HADHB: variants seen among roughly 807,000 people sequenced by gnomAD.
The protein encoded by HADHB is hydroxyacyl-CoA dehydrogenase trifunctional multienzyme complex subunit beta.
In HADHB, 50 loss-of-function variants were observed where a neutral mutation model predicts 61.9. The ratio of observed to expected loss-of-function variants is 0.81; its 90% CI spans 0.64 to 1.02. HADHB has a LOEUF of 1.02. Ranked by LOEUF, HADHB falls within the 50% of genes least tolerant of loss-of-function variation. The probability of loss-of-function intolerance (pLI) is 0.00; values close to 1 mark genes in which losing one functional copy is unlikely to be tolerated. For synonymous variants in HADHB, 191 were observed against 201.6 expected, an observed-to-expected ratio of 0.95 and a Z score of 0.45; for missense variants, 504 against 586.5, an observed-to-expected ratio of 0.86 and a Z score of 1.45.
chr2:26,260,000 A>G lies in HADHB; in HGVS notation c.110-3380A>G, dbSNP rs545218857. Among the ~76,000 whole-genome samples, 7 of 152,326 alleles carry G rather than the reference A, an allele frequency of 4.6e-5. No homozygotes were observed. The East Asian group carries it at 1.2e-3, about 25-fold the overall frequency. On this transcript the variant is annotated intron_variant, in intron 3 of 15. Transcript: ENST00000317799. ...AAATACTTAAGGTGGAACCGAGTAAAACAAGCTATTTGTTAGAAGAGTTAA... is the reference window on the plus strand; with the variant it reads ...AAATACTTAAGGTGGAACCGAGTAAGACAAGCTATTTGTTAGAAGAGTTAA...
At chr2:26,277,514 C>T (rs1251270985) in intron 7 of HADHB, among the ~76,000 whole-genome samples, 6 of 152,086 alleles carry the variant, frequency 3.9e-5, no homozygotes, top group Non-Finnish European at 7.4e-5. Context: ...GGATTACAGG[C>T]GTGAGCCACC....
At chr2:26,283,795 A>G (rs766567986) in intron 12 of HADHB, among the ~76,000 whole-genome samples, 1 of 152,152 alleles carries the variant, frequency 6.6e-6, no homozygotes, top group Non-Finnish European at 1.5e-5. Flanking sequence ...TCTAGCCTCC[A>G]CTGTGACGTT....
chr2:26,269,531 A>T (rs1672250205), intron 4 of HADHB, among the ~76,000 whole-genome samples: 1 of 152,140 alleles, frequency 6.6e-6, no homozygotes, highest in Non-Finnish European at 1.5e-5. Context: ...ATCTCAAGTT[A>T]CTTAAAAGCA....
intron 3 of HADHB, among the ~76,000 whole-genome samples, chr2:26,258,379 C>A (rs1162155345): frequency 1.3e-5 from 2 of 152,178 alleles, no homozygotes; most frequent in Non-Finnish European, 2.9e-5. Context: ...CTATTAGAAG[C>A]CATGGGTCAT....
At chr2:26,273,567 CA>C in intron 5 of HADHB, 83 bp from the exon 6 acceptor site, 1 of 792,418 alleles carries the variant, frequency 1.3e-6, no homozygotes, top group Non-Finnish European at 2.3e-6. Context: ...TAACCTTTTT[CA>C]AGGAGCGCAG....
At chr2:26,280,570 A>G (rs6721670) in intron 10 of HADHB, among the ~76,000 whole-genome samples, 131,931 of 152,150 alleles carry the variant, frequency 0.87, 58,904 homozygotes, top group Middle Eastern at 0.97. Flanking sequence ...AAGGCATTTC[A>G]GGCCGGGTGC....
chr2:26,285,578 TACAGTG>T lies in HADHB; in HGVS notation c.1389+8_1389+13del. The stretch of plus-strand genomic sequence containing the variant: ...GTGTGCAGCTGGAGGGCAGGTACGT[TACAGTG>T]GTGTCATAGGACCCTCCAGAGAGTC... On this transcript the variant is annotated splice_region_variant and intron_variant, in intron 15 of 15. Transcript: ENST00000317799. 6.2e-7 allele frequency: 1 copy of T among 1,609,666 alleles called. No individual in the cohort carries two copies. The highest frequency in any genetic ancestry group is 8.5e-7 in the Non-Finnish European group (1 of 1,176,200).
At chr2:26,277,412 T>A (rs1320226289) in intron 7 of HADHB, among the ~76,000 whole-genome samples, 1 of 151,824 alleles carries the variant, frequency 6.6e-6, no homozygotes, top group Admixed American at 6.6e-5. Context: ...ATTTTTAAAT[T>A]TTTTGTGGAG....
chr2:26,286,975 G>A (rs927775643), intron 15 of HADHB, among the ~76,000 whole-genome samples: 9 of 151,724 alleles, frequency 5.9e-5, no homozygotes, highest in East Asian at 2.0e-4. Context: ...AGGTTGAGGC[G>A]GGTAGGTCAC....
chr2:26,254,157 A>G lies in HADHB; in HGVS notation c.-8-90A>G, dbSNP rs538918851. 1.2e-4 allele frequency: 92 copies of G among 748,546 alleles called. No homozygotes were observed. In the South Asian group the frequency reaches 1.3e-3, roughly 11 times the overall value. 46.4% of individuals were successfully genotyped at this position (748,546 alleles called of 1,614,324 possible). On this transcript the variant is annotated intron_variant, in intron 1 of 15. Transcript: ENST00000317799. ...TAAGTTTTAATGTTTTCTAGTAGCCATGGATGAGGTTATCAGAGTTCATAG... is the reference window on the plus strand; with the variant it reads ...TAAGTTTTAATGTTTTCTAGTAGCCGTGGATGAGGTTATCAGAGTTCATAG...
intron 3 of HADHB, among the ~76,000 whole-genome samples, chr2:26,258,894 A>G (rs759588352): frequency 7.2e-5 from 11 of 151,906 alleles, no homozygotes; most frequent in Admixed American, 2.6e-4. Context: ...TGATTGGTCG[A>G]GTGTGAGCTG....
At chr2:26,253,121 C>A (rs1027093008) in intron 1 of HADHB, among the ~76,000 whole-genome samples, 2 of 152,024 alleles carry the variant, frequency 1.3e-5, no homozygotes, top group African/African-American at 4.8e-5. Context: ...ATATTCTGTG[C>A]CTATTTGTCT....
At chr2:26,280,311 C>A (rs1672734037) in intron 10 of HADHB, among the ~76,000 whole-genome samples, 196 bp downstream of exon 10, 1 of 151,944 alleles carries the variant, frequency 6.6e-6, no homozygotes, top group African/African-American at 2.4e-5. Context: ...CCTAATCCAG[C>A]CACCATTCTG....
chr2:26,278,829 A>G lies in HADHB; in HGVS notation c.630+28A>G, dbSNP rs935016371. On this transcript the variant is annotated intron_variant, in intron 8 of 15. Coordinates refer to ENST00000317799, the MANE Select transcript of HADHB (RefSeq NM_000183.3). ...AAGGCTTGTGTTTGCAGGGCATCCCACTGCAGAGATTTAGAATTAGGTATG... is the reference window on the plus strand; with the variant it reads ...AAGGCTTGTGTTTGCAGGGCATCCCGCTGCAGAGATTTAGAATTAGGTATG... 1.1e-5 allele frequency: 18 copies of G among 1,570,028 alleles called. No homozygotes were observed. The Admixed American group carries it at 1.7e-4, about 15-fold the overall frequency.
intron 1 of HADHB, among the ~76,000 whole-genome samples, chr2:26,251,640 G>T (rs551097813): frequency 6.6e-6 from 1 of 152,266 alleles, no homozygotes; most frequent in African/African-American, 2.4e-5. Context: ...TCTGAGTGGT[G>T]CCTCTCTCAT....
intron 4 of HADHB, among the ~76,000 whole-genome samples, chr2:26,269,561 C>T (rs964329875): frequency 2.0e-5 from 3 of 152,030 alleles, no homozygotes; most frequent in Admixed American, 2.0e-4. Flanking sequence ...TTCAAAAGTC[C>T]TAATACATCA....
intron 10 of HADHB, among the ~76,000 whole-genome samples, chr2:26,280,628 A>G (rs1205670119): frequency 6.6e-6 from 1 of 152,106 alleles, no homozygotes; most frequent in Non-Finnish European, 1.5e-5. Flanking sequence ...TGAGGCAGGC[A>G]GATCACCTGA....
chr2:26,289,143 G>A (rs1236871674), intron 15 of HADHB, among the ~76,000 whole-genome samples: 2 of 152,106 alleles, frequency 1.3e-5, no homozygotes, highest in Non-Finnish European at 2.9e-5. Flanking sequence ...CCAGCTACTC[G>A]GGAGGCTGAG....
intron 1 of HADHB, among the ~76,000 whole-genome samples, chr2:26,250,973 AC>A (rs1268748788): frequency 2.0e-5 from 3 of 151,108 alleles, no homozygotes; most frequent in Admixed American, 6.6e-5. Context: ...TGAGCTGCGA[AC>A]CTAAAATTTT....
Sources: gnomAD v4.1 joint callset for allele counts (sites outside exome capture counted in the v4.1 genomes callset) on GRCh38, gnomAD v4.1.1 for gene constraint, MANE v1.5 for transcripts, NCBI Gene and HGNC (gene_info 2026-07-23, HGNC 2026-07-21) for gene names.